The following NUP210L variants were observed in gnomAD, a reference collection of about 807,000 sequenced individuals.
The protein encoded by NUP210L is nucleoporin 210 like.
In NUP210L, 74 loss-of-function variants were observed where a neutral mutation model predicts 208.5. The ratio of observed to expected loss-of-function variants is 0.35; its 90% confidence interval spans 0.29 to 0.43. The LOEUF (loss-of-function observed/expected upper bound fraction) is 0.43. Ranked by LOEUF, NUP210L falls within the 20% of genes least tolerant of loss-of-function variation. The pLI is 1.00. For synonymous variants in NUP210L, 780 were observed against 816.9 expected, an observed-to-expected ratio of 0.95 and a Z score of 0.77; for missense variants, 1,843 against 2,289.4, an observed-to-expected ratio of 0.81 and a Z score of 3.98.
At chr1:154,071,086 T>TTA (rs1654695886) in intron 16 of NUP210L, among the ~76,000 whole-genome samples, 2 of 149,650 alleles carry the variant, frequency 1.3e-5, no homozygotes, top group Admixed American at 6.7e-5. Flanking sequence ...TTTTGTTTTG[T>TTA]TTTGTTTTTT....
intron 7 of NUP210L, among the ~76,000 whole-genome samples, chr1:154,133,827 AAC>A (rs1208782922): frequency 6.6e-6 from 1 of 151,942 alleles, no homozygotes; most frequent in African/African-American, 2.4e-5. Flanking sequence ...CAGCCTGGGC[AAC>A]AGAGTGAGAC....
chr1:154,002,120 A>G (rs1650255073), intron 35 of NUP210L, 135 bp from the exon 36 acceptor site: 1 of 876,622 alleles, frequency 1.1e-6, no homozygotes, highest in African/African-American at 1.7e-5. Context: ...TTGAGTATTC[A>G]ATATCAGCAC....
chr1:154,019,065 T>C, exon 33 of NUP210L: 6 of 1,614,048 alleles, frequency 3.7e-6, no homozygotes, highest in Non-Finnish European at 4.2e-6. Flanking sequence ...ATATCCCAGG[T>C]TCACCTAGGA....
At chr1:154,083,154 C>T (rs1202809570) in intron 16 of NUP210L, among the ~76,000 whole-genome samples, 1 of 152,130 alleles carries the variant, frequency 6.6e-6, no homozygotes, top group Non-Finnish European at 1.5e-5. Flanking sequence ...CGGTGGCCAG[C>T]TTTTATTCCC....
chr1:154,058,675 C>T, exon 21 of NUP210L: 1 of 1,613,502 alleles, frequency 6.2e-7, no homozygotes, highest in Non-Finnish European at 8.5e-7. Context: ...GTAAAAAATC[C>T]AGGATGTAAT....
chr1:154,051,076 T>C (rs1037263078), intron 25 of NUP210L, among the ~76,000 whole-genome samples: 2 of 152,192 alleles, frequency 1.3e-5, no homozygotes, highest in African/African-American at 4.8e-5. Context: ...CAATTGCAAA[T>C]AGCAGTTAGG....
chr1:153,992,927 TA>T lies in NUP210L; in HGVS notation c.5574del (p.Phe1858LeufsTer11). Reference sequence around the variant, plus strand: ...AAGTGAGGGGGAGAACTTGTGGAGTTAAAAAAACCTAGAAGAAGAGGGAAAA... The same window carrying T: ...AAGTGAGGGGGAGAACTTGTGGAGTTAAAAAACCTAGAAGAAGAGGGAAAA... On this transcript the variant is annotated frameshift_variant, in exon 40 of 40. Coordinates refer to ENST00000368559, the Ensembl canonical transcript of NUP210L. LOFTEE classifies it low-confidence loss of function (END_TRUNC). 1.2e-6 allele frequency: 2 copies of T among 1,610,666 alleles called. No homozygotes were observed. The highest frequency in any genetic ancestry group is 1.7e-6 in the Non-Finnish European group (2 of 1,179,066).
At chr1:154,104,817 C>T (rs576235732) in intron 12 of NUP210L, among the ~76,000 whole-genome samples, 40 of 152,096 alleles carry the variant, frequency 2.6e-4, no homozygotes, top group African/African-American at 9.4e-4. Context: ...AATTCTTGGG[C>T]AAGTTCTGGT....
chr1:154,091,023 T>A (rs1655875991), intron 15 of NUP210L, among the ~76,000 whole-genome samples: 1 of 150,972 alleles, frequency 6.6e-6, no homozygotes, highest in Non-Finnish European at 1.5e-5. Flanking sequence ...AAAAGCAGGA[T>A]CTTGACAGAT....
intron 27 of NUP210L, among the ~76,000 whole-genome samples, chr1:154,041,332 GTATT>G (rs963568520): frequency 4.6e-5 from 7 of 151,856 alleles, no homozygotes; most frequent in East Asian, 1.9e-4. Flanking sequence ...ATGTATTTAT[GTATT>G]TATTTATTTA....
chr1:154,011,769 ACCC>A (rs71096506), intron 34 of NUP210L, among the ~76,000 whole-genome samples: 2 of 137,712 alleles, frequency 1.5e-5, no homozygotes, highest in Non-Finnish European at 3.0e-5. Flanking sequence ...GCTCACTCTA[ACCC>A]CCGCTTCCCG....
Position 154,089,407 on chromosome 1 carries a change from T to C in NUP210L, c.2361+14A>G. 1 of 1,607,564 alleles carries C rather than the reference T, an allele frequency of 6.2e-7. No individual in the cohort carries two copies. Among genetic ancestry groups the C allele is most frequent in the Non-Finnish European group, 8.5e-7 (1 of 1,175,358 alleles). On this transcript the variant is annotated intron_variant, in intron 16 of 39. Coordinates refer to ENST00000368559, the Ensembl canonical transcript of NUP210L. The stretch of plus-strand genomic sequence containing the variant: ...AAAAGTGCCAACTTAGTTGGAAACA[T>C]ACTCTGTACTTACCAGCCATTTGTT...
intron 12 of NUP210L, among the ~76,000 whole-genome samples, chr1:154,110,956 C>T (rs987704026): frequency 1.3e-5 from 2 of 148,548 alleles, no homozygotes; most frequent in Admixed American, 6.8e-5. Context: ...AAGATCAGAG[C>T]GGAAATAAAT....
intron 2 of NUP210L, among the ~76,000 whole-genome samples, chr1:154,146,791 C>T (rs1659140318): frequency 6.6e-6 from 1 of 152,112 alleles, no homozygotes; most frequent in Non-Finnish European, 1.5e-5. Context: ...ACTCCTCCTT[C>T]CAAGAGGCAA....
At chr1:154,054,270 C>T in exon 25 of NUP210L, 1 of 1,614,218 alleles carries the variant, frequency 6.2e-7, no homozygotes, top group Non-Finnish European at 8.5e-7. Flanking sequence ...CATTTACTGT[C>T]TGGATGGTGC....
At chr1:154,050,432 A>G (rs961785200) in intron 25 of NUP210L, among the ~76,000 whole-genome samples, 5 of 152,168 alleles carry the variant, frequency 3.3e-5, no homozygotes, top group Non-Finnish European at 7.4e-5. Flanking sequence ...TCCAGAGAAG[A>G]CTCCAGATTT....
intron 2 of NUP210L, among the ~76,000 whole-genome samples, chr1:154,151,161 A>G (rs1011179140): frequency 2.0e-5 from 3 of 151,872 alleles, no homozygotes; most frequent in East Asian, 1.9e-4. Context: ...TAAAAATCGC[A>G]TATGTGACCA....
At chr1:153,995,099 G>A (rs201073231) in exon 38 of NUP210L, 2 of 1,612,600 alleles carry the variant, frequency 1.2e-6, no homozygotes, top group African/African-American at 1.3e-5. Context: ...AGCTGTTGAT[G>A]CCAGCACTGC....
rs1571149711 is a variant in NUP210L at position 154,000,309 on chromosome 1, T to C, written c.5386+547A>G. Among the ~76,000 whole-genome samples the C allele has an allele frequency of 2.6e-5, 4 of 152,216 alleles. No individual in the cohort carries two copies. In the South Asian group the frequency reaches 6.2e-4, roughly 24 times the overall value. On this transcript the variant is annotated intron_variant, in intron 37 of 39. Transcript: ENST00000368559. ...AACTGTGATAACATCTGTCCCCCCA[T>C]ATCTGTGGGGAATATGTTCCAAGAC... is the stretch of plus-strand genomic sequence containing the variant.
Sources: gnomAD v4.1 joint callset for allele counts (sites outside exome capture counted in the v4.1 genomes callset) on GRCh38, gnomAD v4.1.1 for gene constraint, MANE v1.5 for transcripts, NCBI Gene and HGNC (gene_info 2026-07-23, HGNC 2026-07-21) for gene names.